The following EYS variants were observed in gnomAD, a reference collection of about 807,000 sequenced individuals.
EYS encodes EGF-like photoreceptor maintenance factor.
In EYS, 250 loss-of-function variants were observed where a neutral mutation model predicts 282.1. That is an observed-to-expected ratio of 0.89 (90% CI 0.80 to 0.98). The LOEUF (loss-of-function observed/expected upper bound fraction) is 0.98. Among genes scored for constraint, EYS ranks in the 50% least tolerant of loss-of-function variants. The probability of loss-of-function intolerance (pLI) is 0.00; values close to 1 mark genes in which losing one functional copy is unlikely to be tolerated. For missense variants in EYS, 4,016 were observed against 3,709.0 expected (o/e 1.08, Z -2.15); for synonymous variants, 1,355 against 1,282.9 (o/e 1.06, Z -1.20).
intron 26 of EYS, among the ~76,000 whole-genome samples, chr6:64,583,798 A>G (rs1276490528): frequency 6.6e-6 from 1 of 152,090 alleles, no homozygotes; most frequent in Admixed American, 6.6e-5. Context: ...TCTGCCTCAA[A>G]AAAAAAAATG....
intron 9 of EYS, among the ~76,000 whole-genome samples, chr6:65,350,377 AC>A (rs1387843792): frequency 6.6e-6 from 1 of 151,560 alleles, no homozygotes; most frequent in Non-Finnish European, 1.5e-5. Context: ...AATGTCTTCT[AC>A]CAGAAGATCC....
intron 5 of EYS, among the ~76,000 whole-genome samples, chr6:65,475,122 A>G (rs1562207113): frequency 6.6e-6 from 1 of 151,902 alleles, no homozygotes; most frequent in East Asian, 1.9e-4. Flanking sequence ...CTTGTGGGAA[A>G]ACTAACCACC....
chr6:63,892,276 A>G (rs1773428203), intron 35 of EYS, among the ~76,000 whole-genome samples: 1 of 152,200 alleles, frequency 6.6e-6, no homozygotes, highest in Non-Finnish European at 1.5e-5. Flanking sequence ...AGACAAGACA[A>G]TCCTAAGCCA....
chr6:65,593,623 C>A (rs183163609), intron 2 of EYS, among the ~76,000 whole-genome samples: 13 of 151,948 alleles, frequency 8.6e-5, no homozygotes, highest in African/African-American at 2.6e-4. Context: ...AGGTAAGAAA[C>A]CTAAACAAAT....
chr6:65,130,719 G>A (rs1331100452), intron 12 of EYS, among the ~76,000 whole-genome samples: 1 of 150,880 alleles, frequency 6.6e-6, no homozygotes, highest in African/African-American at 2.4e-5. Context: ...ATACCTAGGT[G>A]ATAAAATAGT....
chr6:65,372,686 T>G (rs1409253341), intron 8 of EYS, among the ~76,000 whole-genome samples: 1 of 152,108 alleles, frequency 6.6e-6, no homozygotes, highest in Non-Finnish European at 1.5e-5. Flanking sequence ...ATATTGAGAA[T>G]GCAATTGACA....
intron 1 of EYS, among the ~76,000 whole-genome samples, chr6:65,679,220 C>G (rs1299094415): frequency 7.0e-6 from 1 of 142,652 alleles, no homozygotes; most frequent in Non-Finnish European, 1.5e-5. Flanking sequence ...CTCACTGCAC[C>G]TTTATTCACA....
intron 19 of EYS, among the ~76,000 whole-genome samples, chr6:64,823,232 A>G (rs1303511011): frequency 2.6e-5 from 4 of 151,844 alleles, no homozygotes; most frequent in Non-Finnish European, 1.5e-5. Flanking sequence ...GGCTTTAGTG[A>G]GTCTATTAAT....
intron 31 of EYS, among the ~76,000 whole-genome samples, chr6:64,167,206 G>C (rs1166498197): frequency 1.3e-5 from 2 of 152,102 alleles, no homozygotes; most frequent in Non-Finnish European, 2.9e-5. Flanking sequence ...CGCAAGGAAT[G>C]ATTACCATAT....
At chr6:64,751,374 T>C (rs1772749000) in intron 22 of EYS, among the ~76,000 whole-genome samples, 1 of 152,200 alleles carries the variant, frequency 6.6e-6, no homozygotes, top group Admixed American at 6.5e-5. Context: ...TTTCTTCCAA[T>C]GCAGAGAACT....
intron 22 of EYS, among the ~76,000 whole-genome samples, chr6:64,736,001 GA>G (rs928967505): frequency 6.6e-6 from 1 of 151,906 alleles, no homozygotes; most frequent in African/African-American, 2.4e-5. Context: ...TATAAAAGAT[GA>G]ATTAAATCTA....
rs1261702937 is a variant in EYS, at chr6:63,720,771, A to G, written c.9260T>C (p.Leu3087Pro). ...VALNYDGICY[L>P]GGFEYGRKVN... is the part of the protein sequence containing the mutation. ...CTTTCTACCATATTCAAAGCCCCCT[A>G]GATAACAAATGCCATCATAGTTTAG... The change falls in exon 43 of 43, where the codon CTA becomes CCA. Residue 3087 changes from leucine to proline, a missense_variant. Leu to Pro is a moderately conservative substitution (Grantham distance 98, BLOSUM62 -3). Transcript: ENST00000503581. 2 of 1,550,878 alleles carry G rather than the reference A, an allele frequency of 1.3e-6. No homozygotes were observed. The highest frequency in any genetic ancestry group is 1.7e-6 in the Non-Finnish European group (2 of 1,146,458).
At chr6:64,180,401 C>T (rs1764756026) in intron 31 of EYS, among the ~76,000 whole-genome samples, 1 of 152,082 alleles carries the variant, frequency 6.6e-6, no homozygotes, top group South Asian at 2.1e-4. Context: ...AAAAATAGGT[C>T]AATAAATTAG....
intron 31 of EYS, among the ~76,000 whole-genome samples, chr6:64,190,291 A>C (rs1433818823): frequency 6.6e-6 from 1 of 152,196 alleles, no homozygotes; most frequent in Non-Finnish European, 1.5e-5. Flanking sequence ...AAGTAAGTAC[A>C]TTTTTGGATA....
In EYS at chr6:64,902,569, G is replaced by A. The variant is rs1475075382; in HGVS notation, c.2642-69C>T. On this transcript the variant is annotated intron_variant, in intron 16 of 42. Coordinates refer to ENST00000503581, the MANE Select transcript of EYS (RefSeq NM_001142800.2). ...TAGAGTAAAAAAATCAGAATCAGTG[G>A]TAGTCTAAAGAATACACTCATAATG... The A allele has an allele frequency of 4.6e-6, 4 of 878,792 alleles. No individual in the cohort carries two copies. In the African/African-American group the frequency reaches 5.4e-5, roughly 12 times the overall value. 54.4% of individuals were successfully genotyped at this position (878,792 alleles called of 1,614,324 possible). A position where few individuals can be genotyped will look rare whatever the true frequency, so the allele number is the denominator to read the frequency against.
At chr6:64,022,079 T>C (rs139867882) in intron 33 of EYS, among the ~76,000 whole-genome samples, 259 of 152,334 alleles carry the variant, frequency 1.7e-3, no homozygotes, top group African/African-American at 5.9e-3. Flanking sequence ...AATGAATATC[T>C]TTATCTGTGA....
chr6:64,020,134 G>T (rs1410794032), intron 33 of EYS, among the ~76,000 whole-genome samples: 2 of 151,996 alleles, frequency 1.3e-5, no homozygotes, highest in Admixed American at 1.3e-4. Flanking sequence ...TAGAAGGAAT[G>T]AATTCTTGTT....
chr6:64,118,301 T>C (rs910826161), intron 31 of EYS, among the ~76,000 whole-genome samples: 2 of 152,054 alleles, frequency 1.3e-5, no homozygotes, highest in Admixed American at 6.6e-5. Context: ...TACAGAGCTA[T>C]AGTAACCAAA....
intron 26 of EYS, among the ~76,000 whole-genome samples, chr6:64,454,435 C>A (rs1775486007): frequency 6.6e-6 from 1 of 152,070 alleles, no homozygotes; most frequent in African/African-American, 2.4e-5. Flanking sequence ...CATAAAAAGT[C>A]ATTAGAAATT....
Sources: gnomAD v4.1 joint callset for allele counts (sites outside exome capture counted in the v4.1 genomes callset) on GRCh38, gnomAD v4.1.1 for gene constraint, MANE v1.5 for transcripts, NCBI Gene and HGNC (gene_info 2026-07-23, HGNC 2026-07-21) for gene names.